Variants in AKR1C8 observed in about 807,000 individuals in gnomAD.
AKR1C8 encodes aldo-keto reductase family 1 member C8, also known as aldo-keto reductase family 1 member C-like protein 1.
chr10:5,125,142 TTTA>T, the AKR1C8 span, among the ~76,000 whole-genome samples: 1 of 152,172 alleles, frequency 6.6e-6, no homozygotes, highest in African/African-American at 2.4e-5. Flanking sequence ...GTACACATCT[TTTA>T]TTAGGTATAC....
At chr10:5,171,874 T>C in the AKR1C8 span, among the ~76,000 whole-genome samples, 1 of 152,146 alleles carries the variant, frequency 6.6e-6, no homozygotes, top group Non-Finnish European at 1.5e-5. Flanking sequence ...CACATTCTTA[T>C]GCCTCCTTAA....
chr10:5,132,638 G>A, the AKR1C8 span: 1 of 1,590,230 alleles, frequency 6.3e-7, no homozygotes, highest in Non-Finnish European at 8.6e-7. Context: ...TCTTCACACT[G>A]TCATCTGCAA....
At chr10:5,164,798 C>T in the AKR1C8 span, among the ~76,000 whole-genome samples, 8 of 152,174 alleles carry the variant, frequency 5.3e-5, no homozygotes, top group South Asian at 1.7e-3. Flanking sequence ...GCCGAGGCTA[C>T]ATCTCAGTGT....
chr10:5,121,881 T>G, the AKR1C8 span, among the ~76,000 whole-genome samples: 1 of 152,052 alleles, frequency 6.6e-6, no homozygotes, highest in Non-Finnish European at 1.5e-5. Flanking sequence ...GGTGCAGACA[T>G]AGGCAGTGTT....
chr10:5,174,167 A>AACGGG, the AKR1C8 span, among the ~76,000 whole-genome samples: 1 of 151,908 alleles, frequency 6.6e-6, no homozygotes, highest in Non-Finnish European at 1.5e-5. Flanking sequence ...TTAAAAAAAA[A>AACGGG]ACTCCATCCT....
chr10:5,118,924 C>A, the AKR1C8 span, among the ~76,000 whole-genome samples: 24 of 99,692 alleles, frequency 2.4e-4, no homozygotes, highest in African/African-American at 9.8e-4. Flanking sequence ...ACACTGTTCA[C>A]TCTATAAATT....
the AKR1C8 span, among the ~76,000 whole-genome samples, chr10:5,147,488 G>A: frequency 1.5e-3 from 231 of 151,932 alleles, 1 homozygote; most frequent in African/African-American, 5.0e-3. Flanking sequence ...GTACAACATC[G>A]TTATCAGTTG....
chr10:5,161,185 C>T, the AKR1C8 span, among the ~76,000 whole-genome samples: 1 of 152,176 alleles, frequency 6.6e-6, no homozygotes, highest in African/African-American at 2.4e-5. Context: ...CTCCACACAT[C>T]CCTACTCGTC....
chr10:5,136,858 G>A, the AKR1C8 span, among the ~76,000 whole-genome samples: 39 of 152,110 alleles, frequency 2.6e-4, no homozygotes, highest in Admixed American at 1.6e-3. Flanking sequence ...AGAATCAGAC[G>A]AAATAACATT....
At chr10:5,176,876 G>C in the AKR1C8 span, among the ~76,000 whole-genome samples, 2 of 152,112 alleles carry the variant, frequency 1.3e-5, no homozygotes, top group South Asian at 2.1e-4. Context: ...AGGAGATTTT[G>C]GGCTGAGACG....
the AKR1C8 span, among the ~76,000 whole-genome samples, chr10:5,170,115 G>T: frequency 6.6e-6 from 1 of 152,082 alleles, no homozygotes; most frequent in African/African-American, 2.4e-5. Flanking sequence ...GTTGGCACCA[G>T]CAGTGAAGAG....
the AKR1C8 span, among the ~76,000 whole-genome samples, chr10:5,144,532 T>A: frequency 6.6e-6 from 1 of 151,334 alleles, no homozygotes; most frequent in Non-Finnish European, 1.5e-5. Flanking sequence ...CATTTCTTTG[T>A]ATCCTCTTTT....
the AKR1C8 span, chr10:5,122,095 T>G: frequency 2.9e-6 from 1 of 348,320 alleles, no homozygotes; most frequent in East Asian, 1.1e-4. Context: ...AATTGTAACT[T>G]AGCATGTCGG....
the AKR1C8 span, chr10:5,157,852 A>C: frequency 2.3e-6 from 1 of 438,112 alleles, no homozygotes. Context: ...TGGAAAATCT[A>C]CAGTGCGCTG....
At chr10:5,147,867 T>C in the AKR1C8 span, among the ~76,000 whole-genome samples, 4 of 152,282 alleles carry the variant, frequency 2.6e-5, no homozygotes, top group African/African-American at 9.6e-5. Flanking sequence ...CTCCACTAGG[T>C]AGAAACACCA....
the AKR1C8 span, among the ~76,000 whole-genome samples, chr10:5,150,080 T>C: frequency 6.6e-6 from 1 of 152,166 alleles, no homozygotes; most frequent in African/African-American, 2.4e-5. Flanking sequence ...TGTTGTTTGA[T>C]ATTGGAGCTA....
chr10:5,149,862 G>A, the AKR1C8 span, among the ~76,000 whole-genome samples: 6 of 151,706 alleles, frequency 4.0e-5, no homozygotes, highest in South Asian at 2.1e-4. Context: ...AGAATTAGGC[G>A]AAGAGAAAAA....
At chr10:5,152,484 A>T in the AKR1C8 span, among the ~76,000 whole-genome samples, 1 of 152,220 alleles carries the variant, frequency 6.6e-6, no homozygotes, top group Admixed American at 6.5e-5. Flanking sequence ...GAACACCAGG[A>T]TCAAACTACA....
the AKR1C8 span, among the ~76,000 whole-genome samples, chr10:5,118,175 AC>A: frequency 6.6e-6 from 1 of 152,190 alleles, no homozygotes; most frequent in African/African-American, 2.4e-5. Context: ...CCAAAGTACA[AC>A]CATGTTATCC....
Sources: allele counts gnomAD v4.1 joint callset (sites outside exome capture counted in the v4.1 genomes callset), GRCh38; gene constraint gnomAD v4.1.1; transcripts MANE v1.5; gene names NCBI Gene and HGNC (gene_info 2026-07-23, HGNC 2026-07-21).